The following CACHD1 variants were observed in gnomAD, a reference collection of about 807,000 sequenced individuals.
The protein encoded by CACHD1 is VWFA and cache domain-containing protein 1.
Under a neutral mutation model 138.7 loss-of-function variants are expected in CACHD1, and 71 were observed. That is an observed-to-expected ratio of 0.51 (90% CI 0.42 to 0.62). CACHD1 has a LOEUF of 0.62. Ranked by LOEUF, CACHD1 falls within the 20% of genes least tolerant of loss-of-function variation. The pLI is 0.00. For missense variants in CACHD1, 1,389 were observed against 1,625.3 expected, an observed-to-expected ratio of 0.85 and a Z score of 2.50; for synonymous variants, 578 against 591.5, an observed-to-expected ratio of 0.98 and a Z score of 0.33.
intron 1 of CACHD1, among the ~76,000 whole-genome samples, chr1:64,522,988 A>ACGTG (rs1197431224): frequency 1.3e-5 from 2 of 152,230 alleles, no homozygotes; most frequent in African/African-American, 4.8e-5. Flanking sequence ...AAGTGCTGGC[A>ACGTG]CAGTTTTAAA....
chr1:64,483,126 A>G (rs61784549), intron 1 of CACHD1, among the ~76,000 whole-genome samples: 163 of 152,338 alleles, frequency 1.1e-3, no homozygotes, highest in Admixed American at 2.6e-3. Context: ...AAAGATTAAG[A>G]ATGTTTCAGG....
chr1:64,620,112 C>G (rs1249151145), intron 4 of CACHD1, among the ~76,000 whole-genome samples: 1 of 152,074 alleles, frequency 6.6e-6, no homozygotes. Flanking sequence ...GAGAAGTGGG[C>G]TGGCAGCACC....
chr1:64,681,541 G>GTTTTGTT lies in CACHD1; in HGVS notation c.3484+210_3484+211insGTTTTTT, dbSNP rs1553146853. 1.4e-3 allele frequency among the ~76,000 whole-genome samples: 94 copies of GTTTTGTT among 68,146 alleles called. 1 individual carries two copies. Among genetic ancestry groups the GTTTTGTT allele is most frequent in the African/African-American group, 6.5e-3 (89 of 13,656 alleles). The allele number at this position is 68,146 out of a possible 152,430, so 44.7% of individuals were successfully genotyped here. A position where few individuals can be genotyped will look rare whatever the true frequency, so the allele number is the denominator to read the frequency against. On this transcript the variant is annotated intron_variant, in intron 25 of 26. Transcript: ENST00000651257. ...AGAGAATCTCAAAAGATTTTATTGT[G>GTTTTGTT]TTTTTTTTTTTTTTTTTTTTTTTGC...
intron 26 of CACHD1, among the ~76,000 whole-genome samples, chr1:64,689,973 T>C (rs544359549): frequency 1.3e-5 from 2 of 152,356 alleles, no homozygotes; most frequent in African/African-American, 4.8e-5. Flanking sequence ...AACTCAACTG[T>C]AAAATCATTA....
chr1:64,541,347 G>A (rs908898273), intron 1 of CACHD1, among the ~76,000 whole-genome samples: 1 of 151,662 alleles, frequency 6.6e-6, no homozygotes, highest in African/African-American at 2.4e-5. Flanking sequence ...AAAGTAAAAT[G>A]TAAACAATAT....
intron 3 of CACHD1, among the ~76,000 whole-genome samples, chr1:64,601,972 A>G (rs1369849488): frequency 5.3e-5 from 8 of 152,132 alleles, no homozygotes; most frequent in Admixed American, 3.3e-4. Context: ...ACTTAAAAAT[A>G]CTCTTTATGA....
chr1:64,660,958 A>G (rs1392557162), intron 13 of CACHD1, among the ~76,000 whole-genome samples: 1 of 152,188 alleles, frequency 6.6e-6, no homozygotes, highest in East Asian at 1.9e-4. Flanking sequence ...ATTATTTCAT[A>G]TATGATTAAC....
At chr1:64,648,512 T>C (rs1439237535) in intron 9 of CACHD1, among the ~76,000 whole-genome samples, 1 of 152,222 alleles carries the variant, frequency 6.6e-6, no homozygotes, top group East Asian at 1.9e-4. Context: ...TTCAGATTAT[T>C]AGGATTAACT....
At chr1:64,543,833 T>G (rs1646696926) in intron 1 of CACHD1, among the ~76,000 whole-genome samples, 1 of 149,446 alleles carries the variant, frequency 6.7e-6, no homozygotes, top group Non-Finnish European at 1.5e-5. Flanking sequence ...TTAAAATACT[T>G]AAATTAGGTT....
chr1:64,594,500 C>T (rs545724484), intron 3 of CACHD1, among the ~76,000 whole-genome samples: 50 of 152,154 alleles, frequency 3.3e-4, no homozygotes, highest in Non-Finnish European at 5.6e-4. Context: ...TGTGCCATTT[C>T]CCTGTGTGTG....
chr1:64,483,553 G>A (rs1471934334), intron 1 of CACHD1, among the ~76,000 whole-genome samples: 2 of 151,768 alleles, frequency 1.3e-5, no homozygotes, highest in African/African-American at 4.8e-5. Flanking sequence ...GAGTACCAAG[G>A]GCAGGCTGGG....
chr1:64,608,806 A>C (rs7533098), intron 4 of CACHD1, among the ~76,000 whole-genome samples: 98,821 of 151,840 alleles, frequency 0.65, 34,537 homozygotes, highest in East Asian at 0.78. Context: ...TTTCTTGTGC[A>C]TGGCCTGATC....
intron 1 of CACHD1, among the ~76,000 whole-genome samples, chr1:64,518,328 C>T (rs1055152145): frequency 9.9e-5 from 15 of 151,712 alleles, no homozygotes; most frequent in African/African-American, 3.6e-4. Flanking sequence ...GATACATGTG[C>T]AGAATGTACA....
rs538930393 is a variant in CACHD1, at chr1:64,569,530, A to G, written c.262-12626A>G. Reference sequence around the variant, plus strand: ...GACTGGTACTGCTTCTTTAGGGGGAATGGGTGTTGCAGGCAGGCCCAGCTG... The same window carrying G: ...GACTGGTACTGCTTCTTTAGGGGGAGTGGGTGTTGCAGGCAGGCCCAGCTG... On this transcript the variant is annotated intron_variant, in intron 2 of 26. Transcript: ENST00000651257. Among the ~76,000 whole-genome samples, 383 of 152,228 alleles carry G rather than the reference A, an allele frequency of 2.5e-3. 1 individual carries two copies. Among genetic ancestry groups the G allele is most frequent in the African/African-American group, 8.8e-3 (364 of 41,552 alleles).
intron 1 of CACHD1, among the ~76,000 whole-genome samples, chr1:64,531,989 C>A (rs566596822): frequency 3.0e-4 from 46 of 152,144 alleles, no homozygotes; most frequent in South Asian, 8.3e-4. Flanking sequence ...TAGAAACTCA[C>A]AGGATAGGGA....
At chr1:64,647,305 A>G (rs1466855184) in intron 8 of CACHD1, among the ~76,000 whole-genome samples, 1 of 152,212 alleles carries the variant, frequency 6.6e-6, no homozygotes, top group Non-Finnish European at 1.5e-5. Flanking sequence ...GCAATCCATA[A>G]TTCTTTCATT....
chr1:64,566,478 T>A (rs901809810), intron 2 of CACHD1, among the ~76,000 whole-genome samples: 71 of 5,008 alleles, frequency 0.014, 1 homozygote, highest in African/African-American at 0.025. Flanking sequence ...ATGTTTTCAA[T>A]TCCCCCCCCC....
At chr1:64,563,228 G>A (rs1286282418) in intron 2 of CACHD1, among the ~76,000 whole-genome samples, 3 of 141,706 alleles carry the variant, frequency 2.1e-5, no homozygotes, top group Non-Finnish European at 4.5e-5. Flanking sequence ...ATTTGATAAT[G>A]AGAATTTTAC....
intron 20 of CACHD1, 106 bp from the exon 21 acceptor site, chr1:64,675,791 T>C: frequency 5.3e-6 from 4 of 761,086 alleles, no homozygotes; most frequent in Non-Finnish European, 6.1e-6. Context: ...TTTTTTACTA[T>C]TCTTTTAAAC....
Sources: gnomAD v4.1 joint callset for allele counts (sites outside exome capture counted in the v4.1 genomes callset) on GRCh38, gnomAD v4.1.1 for gene constraint, MANE v1.5 for transcripts, NCBI Gene and HGNC (gene_info 2026-07-23, HGNC 2026-07-21) for gene names.